The following RTKN2 variants were observed in gnomAD, a reference collection of about 807,000 sequenced individuals.
RTKN2 encodes the protein rhotekin 2, also known as rhotekin-2.
Under a neutral mutation model 71.5 loss-of-function variants are expected in RTKN2, and 69 were observed. The ratio of observed to expected loss-of-function variants is 0.96; its 90% CI spans 0.79 to 1.18. The LOEUF is 1.18. Among genes scored for constraint, RTKN2 ranks in the 50% most tolerant of loss-of-function variants. RTKN2 has a pLI of 0.00. For synonymous variants in RTKN2, 236 were observed against 236.5 expected, an observed-to-expected ratio of 1.00 and a Z score of 0.02; for missense variants, 724 against 719.7, an observed-to-expected ratio of 1.01 and a Z score of -0.07.
At chr10:62,210,247 T>C (rs1327322539) in intron 9 of RTKN2, among the ~76,000 whole-genome samples, 1 of 152,200 alleles carries the variant, frequency 6.6e-6, no homozygotes, top group Admixed American at 6.5e-5. Flanking sequence ...TATAATTATA[T>C]CTACATATGA....
chr10:62,195,962 G>A lies in RTKN2; in HGVS notation c.*1946C>T. ...TTCTTATACACCTTAAGTCCTTCCT[G>A]CTGTTATCTGCATGAGGAAAAATGA... is the stretch of plus-strand genomic sequence containing the variant. On this transcript the variant is annotated 3_prime_UTR_variant, in exon 12 of 12. Transcript: ENST00000373789. 2.0e-6 allele frequency: 2 copies of A among 984,948 alleles called. No individual in the cohort carries two copies. Among genetic ancestry groups the A allele is most frequent in the African/African-American group, 3.5e-5 (2 of 57,262 alleles). The allele number at this position is 984,948 out of a possible 1,614,324, so 61.0% of individuals were successfully genotyped here. A position where few individuals can be genotyped will look rare whatever the true frequency, so the allele number is the denominator to read the frequency against.
At chr10:62,235,587 A>G (rs1842239220) in intron 6 of RTKN2, among the ~76,000 whole-genome samples, 1 of 152,100 alleles carries the variant, frequency 6.6e-6, no homozygotes, top group Admixed American at 6.6e-5. Context: ...TTTGAAGTCA[A>G]AACTCAGTCA....
chr10:62,213,843 T>C (rs1841712888), intron 9 of RTKN2, among the ~76,000 whole-genome samples: 1 of 152,134 alleles, frequency 6.6e-6, no homozygotes, highest in Non-Finnish European at 1.5e-5. Context: ...TTGAATCATT[T>C]TGTAAGTTAA....
chr10:62,216,586 A>G (rs541945035), intron 9 of RTKN2, among the ~76,000 whole-genome samples: 4 of 152,182 alleles, frequency 2.6e-5, no homozygotes, highest in South Asian at 4.1e-4. Context: ...CAGTATATAT[A>G]TACTTGACAA....
chr10:62,242,430 G>GT lies in RTKN2; in HGVS notation c.317-1236dup, dbSNP rs1031736925. Among the ~76,000 whole-genome samples the GT allele has an allele frequency of 3.3e-5, 5 of 151,672 alleles. No individual in the cohort carries two copies. The South Asian group carries it at 1.0e-3, about 32-fold the overall frequency. ...TTATTCTTGAATAATTAATATTTTT[G>GT]TTTTTTGGAGGTTTTCTTGTAAAGG... On this transcript the variant is annotated intron_variant, in intron 3 of 11. Transcript: ENST00000373789.
chr10:62,251,914 TAAATGGG>T (rs1842589174), intron 2 of RTKN2, among the ~76,000 whole-genome samples: 1 of 151,408 alleles, frequency 6.6e-6, no homozygotes, highest in Non-Finnish European at 1.5e-5. Context: ...AGAGACATAG[TAAATGGG>T]AATGAAAAGA....
In RTKN2 at chr10:62,268,817, G is replaced by T; in HGVS notation, c.-207C>A. On this transcript the variant is annotated 5_prime_UTR_variant, in exon 1 of 12. Transcript: ENST00000373789. ...GCAGCTCCCGCCGCCGGAAGTTGCC[G>T]AGACCCCAGGCTCTAGCGCGGCGGG... 1 of 553,228 alleles carries T rather than the reference G, an allele frequency of 1.8e-6. No individual in the cohort carries two copies. The allele number at this position is 553,228 out of a possible 1,614,324, so 34.3% of individuals were successfully genotyped here.
intron 10 of RTKN2, among the ~76,000 whole-genome samples, chr10:62,200,977 A>G (rs1338443133): frequency 6.6e-6 from 1 of 152,058 alleles, no homozygotes; most frequent in Non-Finnish European, 1.5e-5. Context: ...TTAATCTTAA[A>G]TTTTTTAGAT....
chr10:62,249,329 A>G (rs920370581), intron 2 of RTKN2, among the ~76,000 whole-genome samples: 1 of 130,232 alleles, frequency 7.7e-6, no homozygotes, highest in Non-Finnish European at 1.6e-5. Flanking sequence ...CAAATAAAGC[A>G]TTTCAGAAGT....
rs1288291551 is a variant in RTKN2, at chr10:62,186,357, A to G, written c.862-1970T>C. Among the ~76,000 whole-genome samples, 4 of 152,348 alleles carry G rather than the reference A, an allele frequency of 2.6e-5. No individual in the cohort carries two copies. In the East Asian group the frequency reaches 7.7e-4, roughly 29 times the overall value. ...GGTTTTGCTAAAGAAAGGTGAGTTAAACTGGTGATTTACTAAAAATAAGAT... is the reference window on the plus strand; with the variant it reads ...GGTTTTGCTAAAGAAAGGTGAGTTAGACTGGTGATTTACTAAAAATAAGAT... On this transcript the variant is annotated intron_variant, in intron 8 of 8. Coordinates refer to the RTKN2 transcript ENST00000315289.
chr10:62,231,118 T>C (rs950044191), intron 6 of RTKN2, among the ~76,000 whole-genome samples: 2 of 152,226 alleles, frequency 1.3e-5, no homozygotes, highest in African/African-American at 4.8e-5. Context: ...ACTTTAATCA[T>C]ATTTAAAATG....
intron 2 of RTKN2, among the ~76,000 whole-genome samples, chr10:62,259,432 G>A (rs1842733068): frequency 6.6e-6 from 1 of 152,142 alleles, no homozygotes; most frequent in Non-Finnish European, 1.5e-5. Context: ...TAGCATTCCA[G>A]GCTTTCTTGA....
chr10:62,191,172 C>A (rs1284539503), downstream of RTKN2, among the ~76,000 whole-genome samples: 1 of 152,124 alleles, frequency 6.6e-6, no homozygotes, highest in Non-Finnish European at 1.5e-5. Context: ...TCTCACTCTG[C>A]CCAGGCTGGA....
At chr10:62,185,743 A>T (rs907921502) in intron 8 of RTKN2, among the ~76,000 whole-genome samples, 11 of 152,216 alleles carry the variant, frequency 7.2e-5, no homozygotes, top group African/African-American at 2.7e-4. Flanking sequence ...ATCTGAATTC[A>T]TGGCACAGTT....
chr10:62,198,582 A>G, intron 11 of RTKN2, 139 bp from the exon 12 acceptor site: 1 of 617,072 alleles, frequency 1.6e-6, no homozygotes, highest in Non-Finnish European at 2.6e-6. Context: ...TCACTTGTAA[A>G]AATAACCACA....
chr10:62,235,502 C>T (rs1842237025), intron 6 of RTKN2, among the ~76,000 whole-genome samples: 2 of 152,070 alleles, frequency 1.3e-5, no homozygotes, highest in Admixed American at 1.3e-4. Context: ...ATCTGAAATG[C>T]TCCAAAATCT....
Position 62,198,101 on chromosome 10 carries a change from G to T in RTKN2, c.1637C>A (p.Ser546Ter). Reference sequence around the variant, plus strand: ...TTTCTGTAAGTGATGCATTAGAGTTGATAGTTTGGTATCCAAAGACGATGT... The same window carrying T: ...TTTCTGTAAGTGATGCATTAGAGTTTATAGTTTGGTATCCAAAGACGATGT... Reference protein sequence around the residue: ...SQTSSLDTKLSTLMHHLQKPM... With the variant: ...SQTSSLDTKL The change falls in exon 12 of 12, where the codon TCA becomes TAA. Residue 546 changes from serine to a stop codon, truncating the protein, a stop_gained. Coordinates refer to ENST00000373789, the MANE Select transcript of RTKN2 (RefSeq NM_145307.4). LOFTEE classifies it high-confidence loss of function. 6.2e-7 allele frequency: 1 copy of T among 1,614,096 alleles called. No individual in the cohort carries two copies. Among genetic ancestry groups the T allele is most frequent in the Non-Finnish European group, 8.5e-7 (1 of 1,179,984 alleles).
At chr10:62,220,336 C>T (rs1257219514) in intron 7 of RTKN2, among the ~76,000 whole-genome samples, 2 of 152,090 alleles carry the variant, frequency 1.3e-5, no homozygotes, top group African/African-American at 4.8e-5. Flanking sequence ...CATACAATTC[C>T]AAAATGCAAA....
intron 1 of RTKN2, among the ~76,000 whole-genome samples, chr10:62,264,662 A>T (rs1487721333): frequency 1.3e-5 from 2 of 152,182 alleles, no homozygotes; most frequent in Admixed American, 6.6e-5. Context: ...GTGCCACTAA[A>T]TTCAACTTTA....
Sources: allele counts gnomAD v4.1 joint callset (sites outside exome capture counted in the v4.1 genomes callset), GRCh38; gene constraint gnomAD v4.1.1; transcripts MANE v1.5; gene names NCBI Gene and HGNC (gene_info 2026-07-23, HGNC 2026-07-21).